The following B4GALNT4 variants were observed in gnomAD, a reference collection of about 807,000 sequenced individuals.
B4GALNT4 encodes the protein beta-1,4-N-acetyl-galactosaminyltransferase 4, also known as N-acetyl-beta-glucosaminyl-glycoprotein 4-beta-N-acetylgalactosaminyltransferase 1.
In B4GALNT4, 77 loss-of-function variants were observed where a neutral mutation model predicts 110.0. The ratio of observed to expected loss-of-function variants is 0.70; its 90% CI spans 0.58 to 0.85. The LOEUF (loss-of-function observed/expected upper bound fraction) is 0.85. Among genes scored for constraint, B4GALNT4 ranks in the 40% least tolerant of loss-of-function variants. The probability of loss-of-function intolerance (pLI) is 0.00; values close to 1 mark genes in which losing one functional copy is unlikely to be tolerated. For synonymous variants in B4GALNT4, 785 were observed against 655.5 expected (o/e 1.20, Z -3.02); for missense variants, 1,575 against 1,506.0 (o/e 1.05, Z -0.76).
At chr11:380,767 C>G (rs190421266) in intron 18 of B4GALNT4, 58 bp from the exon 19 acceptor site, 7 of 1,584,872 alleles carry the variant, frequency 4.4e-6, no homozygotes, top group Non-Finnish European at 6.0e-6. Context: ...GGCGCTTTGC[C>G]GGGGGGACCT....
rs770246557 is a variant in B4GALNT4 at position 376,690 on chromosome 11, C to G, written c.1567C>G (p.Pro523Ala). The G allele has an allele frequency of 2.8e-6, 4 of 1,426,820 alleles. No homozygotes were observed. Among genetic ancestry groups the G allele is most frequent in the African/African-American group, 3.0e-5 (2 of 66,268 alleles). The allele number at this position is 1,426,820 out of a possible 1,614,324, so 88.4% of individuals were successfully genotyped here. ...GCGCCCTGCAGTGGAGCAGCCGCCCCCAAAGGTGTACGTGACCAGGGTGCG... is the reference window on the plus strand; with the variant it reads ...GCGCCCTGCAGTGGAGCAGCCGCCCGCAAAGGTGTACGTGACCAGGGTGCG... ...PPRPAVEQPP[P>A]KVYVTRVRPG... Residue 523 changes from proline to alanine, a missense_variant, in exon 14 of 20, where the codon CCA becomes GCA. Transcript: ENST00000329962.
chr11:371,370 C>T (rs910778527), intron 1 of B4GALNT4, among the ~76,000 whole-genome samples: 7 of 152,154 alleles, frequency 4.6e-5, no homozygotes, highest in African/African-American at 1.4e-4. Context: ...CTGGGCAGGC[C>T]AGCTCTGCAC....
chr11:372,653 C>A lies in B4GALNT4; in HGVS notation c.256-9C>A, dbSNP rs755497830. The A allele has an allele frequency of 1.2e-6, 2 of 1,610,460 alleles. No homozygotes were observed. The highest frequency in any genetic ancestry group is 3.3e-5 in the Admixed American group (2 of 59,820). On this transcript the variant is annotated splice_polypyrimidine_tract_variant and intron_variant, in intron 2 of 19. Coordinates refer to ENST00000329962, the MANE Select transcript of B4GALNT4 (RefSeq NM_178537.5). The stretch of plus-strand genomic sequence containing the variant: ...CAACCCTGACCCTGTTGCCTTTTCT[C>A]TCCTGCAGCCCGAAGGTCGGGACCT...
At chr11:373,419 C>CACGCCA (rs1846659696) in intron 6 of B4GALNT4, 30 bp from the exon 7 acceptor site, 1 of 967,382 alleles carries the variant, frequency 1.0e-6, no homozygotes, top group South Asian at 1.7e-5. Flanking sequence ...CCCCCCCCCC[C>CACGCCA]ACCACCACCC....
At position 372,680 on chromosome 11, in the gene B4GALNT4, G is replaced by A; in HGVS notation, c.274G>A (p.Asp92Asn). The A allele has an allele frequency of 1.2e-6, 2 of 1,612,078 alleles. No individual in the cohort carries two copies. Among genetic ancestry groups the A allele is most frequent in the Non-Finnish European group, 1.7e-6 (2 of 1,179,820 alleles). ...EEQAPEGRDLDMLFPGGAGRL... is the reference protein window; with the variant it reads ...EEQAPEGRDLNMLFPGGAGRL... ...CCTGCAGCCCGAAGGTCGGGACCTA[G>A]ACATGCTGTTTCCTGGGGGGGCTGG... is the stretch of plus-strand genomic sequence containing the variant. The change falls in exon 3 of 20, where the codon GAC becomes AAC. Residue 92 changes from aspartate to asparagine, a missense_variant. Physicochemically the swap from Asp to Asn is conservative, Grantham distance 23. Coordinates refer to ENST00000329962, the MANE Select transcript of B4GALNT4 (RefSeq NM_178537.5).
At position 379,685 on chromosome 11, in the gene B4GALNT4, T is replaced by C. The variant is rs928224344; in HGVS notation, c.2472T>C (p.Val824=). The C allele has an allele frequency of 6.7e-7, 1 of 1,502,230 alleles. No homozygotes were observed. The highest frequency in any genetic ancestry group is 8.9e-7 in the Non-Finnish European group (1 of 1,128,450). 93.1% of individuals were successfully genotyped at this position (1,502,230 alleles called of 1,614,324 possible). A position where few individuals can be genotyped will look rare whatever the true frequency, so the allele number is the denominator to read the frequency against. Residue 824 remains valine (V), a synonymous_variant, in exon 15 of 20, where the codon GTT becomes GTC. Transcript: ENST00000329962. ...TGGCCTGGCGCCAGGACGTGATGGT[T>C]CACTTCATCGTGCCAGGTTCGCAGG... ...LRLAWRQDVM[V]HFIVPVKNQA...
chr11:381,303 G>A (rs1189264545), intron 19 of B4GALNT4, among the ~76,000 whole-genome samples: 2 of 150,808 alleles, frequency 1.3e-5, no homozygotes, highest in African/African-American at 2.4e-5. Context: ...CCACCTCTCC[G>A]CCCCCGGCCC....
At chr11:373,688 TC>T in intron 7 of B4GALNT4, 61 bp from the exon 8 acceptor site, 1 of 1,577,462 alleles carries the variant, frequency 6.3e-7, no homozygotes, top group Non-Finnish European at 8.7e-7. Context: ...CCTGCCCCCT[TC>T]CCTGCCTCCA....
Position 377,034 on chromosome 11 carries a change from G to A in B4GALNT4, c.1911G>A (p.Pro637=), listed in dbSNP as rs1324522908. The A allele has an allele frequency of 8.3e-6, 12 of 1,437,208 alleles. No individual in the cohort carries two copies. The highest frequency in any genetic ancestry group is 9.1e-6 in the Non-Finnish European group (10 of 1,097,348). 89.0% of individuals were successfully genotyped at this position (1,437,208 alleles called of 1,614,324 possible). A position where few individuals can be genotyped will look rare whatever the true frequency, so the allele number is the denominator to read the frequency against. ...TGAGCTTGTCCCAGGTGTCCGGGCC[G>A]CAGCTGCCCGGGGAGGGCGAAGAGG... is the stretch of plus-strand genomic sequence containing the variant. The part of the protein sequence containing the change: ...SFLSLSQVSG[P]QLPGEGEEEE... The change falls in exon 14 of 20, where the codon CCG becomes CCA. Residue 637 remains proline (P), a synonymous_variant. Coordinates refer to ENST00000329962, the MANE Select transcript of B4GALNT4 (RefSeq NM_178537.5).
chr11:373,100 C>CGT lies in B4GALNT4; in HGVS notation c.519_520insGT (p.His174ValfsTer23), dbSNP rs1564868196. 1 of 1,612,456 alleles carries CGT rather than the reference C, an allele frequency of 6.2e-7. No individual in the cohort carries two copies. The highest frequency in any genetic ancestry group is 1.7e-5 in the Admixed American group (1 of 59,996). ...ATGGACTCCGTATTTTTGGTTTCAT[C>CGT]CACCCGGCGAGGGACGGTACGGGGG... On this transcript the variant is annotated frameshift_variant, in exon 5 of 20. Transcript: ENST00000329962. LOFTEE classifies it high-confidence loss of function.
In B4GALNT4 at chr11:380,912, G is replaced by T. The variant is rs1484353641; in HGVS notation, c.2957G>T (p.Arg986Leu). 1 of 1,613,444 alleles carries T rather than the reference G, an allele frequency of 6.2e-7. No homozygotes were observed. The change falls in exon 19 of 20, where the codon CGA (arginine) becomes CTA (leucine). Residue 986 changes from arginine to leucine, a missense_variant. By Grantham distance (102) the Arg-to-Leu change is moderately radical (BLOSUM62 -2). Coordinates refer to ENST00000329962, the MANE Select transcript of B4GALNT4 (RefSeq NM_178537.5). ...GGAGGAATGAACACGGAGGAGTTCC[G>T]AGACCAGTGGGGGGGTGAAGACTGG... ...RVGGMNTEEF[R>L]DQWGGEDWEL...
rs775140987 is a variant in B4GALNT4, at chr11:376,146, T to C, written c.1168T>C (p.Tyr390His). Residue 390 changes from tyrosine to histidine, a missense_variant, in exon 12 of 20, where the codon TAC becomes CAC. Transcript: ENST00000329962. ...THMETDNKCF[Y>H]RESPLYLERF... ...CATGGAGACGGACAACAAGTGCTTC[T>C]ACCGCGAGTCTCCGCTGTATCTGGA... 2 of 1,441,674 alleles carry C rather than the reference T, an allele frequency of 1.4e-6. No homozygotes were observed. The highest frequency in any genetic ancestry group is 1.9e-6 in the Non-Finnish European group (2 of 1,073,944). The allele number at this position is 1,441,674 out of a possible 1,614,324, so 89.3% of individuals were successfully genotyped here.
chr11:379,846 C>A lies in B4GALNT4; in HGVS notation c.2489-20C>A. Reference sequence around the variant, plus strand: ...AGAGTCAGCGTCGGCTCAGCGCCCCCCCCGCCTTTTCTCCTCCAGTGAAAA... The same window carrying A: ...AGAGTCAGCGTCGGCTCAGCGCCCCACCCGCCTTTTCTCCTCCAGTGAAAA... On this transcript the variant is annotated intron_variant, in intron 15 of 19. Coordinates refer to ENST00000329962, the MANE Select transcript of B4GALNT4 (RefSeq NM_178537.5). 1.3e-6 allele frequency: 2 copies of A among 1,578,872 alleles called. No homozygotes were observed. The highest frequency in any genetic ancestry group is 1.7e-6 in the Non-Finnish European group (2 of 1,163,074).
intron 9 of B4GALNT4, 21 bp downstream of exon 9, chr11:375,548 G>T: frequency 6.2e-7 from 1 of 1,608,458 alleles, no homozygotes; most frequent in African/African-American, 1.3e-5. Flanking sequence ...ACGCCTCTGG[G>T]GATGTGGGGC....
chr11:373,653 C>A, intron 7 of B4GALNT4, 97 bp from the exon 8 acceptor site: 2 of 1,524,648 alleles, frequency 1.3e-6, no homozygotes, highest in South Asian at 2.3e-5. Flanking sequence ...CTCCTGAGGG[C>A]CAGCCCTGAG....
chr11:371,256 G>A (rs1385331405), intron 1 of B4GALNT4, among the ~76,000 whole-genome samples: 3 of 152,182 alleles, frequency 2.0e-5, no homozygotes, highest in African/African-American at 7.2e-5. Context: ...GAGAGGGCGA[G>A]TGAGCAGACT....
At chr11:377,447 T>TG in intron 14 of B4GALNT4, 120 bp downstream of exon 14, 2 of 1,149,254 alleles carry the variant, frequency 1.7e-6, no homozygotes, top group Admixed American at 3.9e-5. Flanking sequence ...TGTACCGGCC[T>TG]GGGGGCTGAG....
At position 376,152 on chromosome 11, in the gene B4GALNT4, G is replaced by T; in HGVS notation, c.1174G>T (p.Glu392Ter). ...GACGGACAACAAGTGCTTCTACCGCGAGTCTCCGCTGTATCTGGAGAGGTG... is the reference window on the plus strand; with the variant it reads ...GACGGACAACAAGTGCTTCTACCGCTAGTCTCCGCTGTATCTGGAGAGGTG... ...METDNKCFYR[E>*]SPLYLERFGF... The change falls in exon 12 of 20, where the codon GAG becomes TAG. Residue 392 changes from glutamate (E) to a stop codon, truncating the protein, a stop_gained. Coordinates refer to ENST00000329962, the MANE Select transcript of B4GALNT4 (RefSeq NM_178537.5). LOFTEE classifies it high-confidence loss of function. 6.4e-7 allele frequency: 1 copy of T among 1,566,872 alleles called. No individual in the cohort carries two copies. The highest frequency in any genetic ancestry group is 8.7e-7 in the Non-Finnish European group (1 of 1,151,484).
At chr11:372,474 A>T (rs1265274962) in intron 2 of B4GALNT4, among the ~76,000 whole-genome samples, 188 bp from the exon 3 acceptor site, 1 of 151,880 alleles carries the variant, frequency 6.6e-6, no homozygotes, top group Admixed American at 6.6e-5. Context: ...TGCTTGGGCT[A>T]GAGTGACCAG....
Sources: gnomAD v4.1 joint callset for allele counts (sites outside exome capture counted in the v4.1 genomes callset) on GRCh38, gnomAD v4.1.1 for gene constraint, MANE v1.5 for transcripts, NCBI Gene and HGNC (gene_info 2026-07-23, HGNC 2026-07-21) for gene names.